PPM1L: variants seen among roughly 807,000 people sequenced by gnomAD.
PPM1L encodes protein phosphatase 1L.
Under a neutral mutation model 31.4 loss-of-function variants are expected in PPM1L, and 13 were observed. That is an observed-to-expected ratio of 0.41 (90% CI 0.27 to 0.66). PPM1L has a LOEUF of 0.66. PPM1L is among the 30% of genes least tolerant of loss of function. PPM1L has a pLI of 0.29. For synonymous variants in PPM1L, 184 were observed against 175.4 expected (o/e 1.05, Z -0.39); for missense variants, 326 against 453.7 (o/e 0.72, Z 2.56).
rs571937270 is a variant in PPM1L, at chr3:161,010,084, A to G, written c.574+48174A>G. ...TTTGTTACACATGTATACATGCACC[A>G]TGTGGGTGTGCTGCACCCATTAACT... On this transcript the variant is annotated intron_variant, in intron 2 of 3. Coordinates refer to ENST00000498165, the MANE Select transcript of PPM1L (RefSeq NM_139245.4). Among the ~76,000 whole-genome samples the G allele has an allele frequency of 3.3e-5, 5 of 152,300 alleles. No homozygotes were observed. In the East Asian group the frequency reaches 7.7e-4, roughly 24 times the overall value.
chr3:161,047,440 TACAA>T (rs1232431241), intron 2 of PPM1L, among the ~76,000 whole-genome samples: 9 of 152,076 alleles, frequency 5.9e-5, no homozygotes, highest in Admixed American at 4.6e-4. Context: ...TAAAAGAGGT[TACAA>T]ACAAATGGAA....
chr3:160,857,857 A>C (rs987272835), intron 1 of PPM1L, among the ~76,000 whole-genome samples: 11 of 152,030 alleles, frequency 7.2e-5, no homozygotes, highest in Admixed American at 7.2e-4. Flanking sequence ...TTGTCTCTCA[A>C]TCTCTTTTTC....
chr3:160,842,296 A>G (rs566300180), intron 1 of PPM1L: 4 of 702,350 alleles, frequency 5.7e-6, no homozygotes, highest in South Asian at 3.0e-5. Context: ...TTCAACAGTG[A>G]GTAGATCTGT....
At chr3:160,791,073 C>G (rs1712090383) in intron 1 of PPM1L, among the ~76,000 whole-genome samples, 1 of 152,200 alleles carries the variant, frequency 6.6e-6, no homozygotes, top group East Asian at 1.9e-4. Context: ...TATTTTCATT[C>G]ATTGTGCCAA....
At chr3:160,939,939 C>T (rs1715104903) in intron 1 of PPM1L, among the ~76,000 whole-genome samples, 1 of 152,086 alleles carries the variant, frequency 6.6e-6, no homozygotes, top group South Asian at 2.1e-4. Context: ...CTGGAACCTC[C>T]TAGAGACTTG....
rs544885267 is a variant in PPM1L, at chr3:160,975,751, A to T, written c.574+13841A>T. 3.2e-3 allele frequency among the ~76,000 whole-genome samples: 488 copies of T among 152,260 alleles called. 1 individual carries two copies. The highest frequency in any genetic ancestry group is 0.011 in the African/African-American group (466 of 41,532). ...ATCCTGAGACTTTGCTAAAGTTGCTAATCAGCTTAAGGAGATTTTGGGCTG... is the reference window on the plus strand; with the variant it reads ...ATCCTGAGACTTTGCTAAAGTTGCTTATCAGCTTAAGGAGATTTTGGGCTG... On this transcript the variant is annotated intron_variant, in intron 2 of 3. Transcript: ENST00000498165.
At chr3:160,898,691 G>A (rs941890535) in intron 1 of PPM1L, among the ~76,000 whole-genome samples, 2 of 152,172 alleles carry the variant, frequency 1.3e-5, no homozygotes, top group African/African-American at 4.8e-5. Flanking sequence ...TGACGATAAA[G>A]TTCTAATTCA....
intron 1 of PPM1L, among the ~76,000 whole-genome samples, chr3:160,856,051 G>C (rs1410140107): frequency 1.3e-5 from 2 of 152,044 alleles, no homozygotes; most frequent in Non-Finnish European, 2.9e-5. Flanking sequence ...GTGAGGGCAG[G>C]AAGCATCCAG....
chr3:160,808,092 A>C (rs1357628108), intron 1 of PPM1L, among the ~76,000 whole-genome samples: 1 of 152,138 alleles, frequency 6.6e-6, no homozygotes, highest in Non-Finnish European at 1.5e-5. Flanking sequence ...GAAACAATTG[A>C]TCTTTTTCAC....
At position 160,945,640 on chromosome 3, in the gene PPM1L, T is replaced by C. The variant is rs79820897; in HGVS notation, c.400-16096T>C. ...CATTGGGTGCCAAGAAACTCAGAGT[T>C]ACTTTTTAATCATCTGTAACAAATA... On this transcript the variant is annotated intron_variant, in intron 1 of 3. Transcript: ENST00000498165. Among the ~76,000 whole-genome samples the C allele has an allele frequency of 4.3e-3, 650 of 152,254 alleles. 3 individuals are homozygous for C. Among genetic ancestry groups the C allele is most frequent in the African/African-American group, 0.015 (624 of 41,550 alleles).
At chr3:160,940,222 T>C (rs1715116686) in intron 1 of PPM1L, among the ~76,000 whole-genome samples, 1 of 152,174 alleles carries the variant, frequency 6.6e-6, no homozygotes, top group Admixed American at 6.5e-5. Context: ...CATTCAGTTT[T>C]ATAAGGGAAG....
intron 1 of PPM1L, among the ~76,000 whole-genome samples, chr3:160,879,588 A>G (rs1245595276): frequency 1.3e-5 from 2 of 152,208 alleles, no homozygotes; most frequent in Non-Finnish European, 2.9e-5. Context: ...ATTAGTGAGA[A>G]TATATACACA....
intron 1 of PPM1L, among the ~76,000 whole-genome samples, chr3:160,875,477 CTTCT>C (rs1378804549): frequency 6.6e-6 from 1 of 152,124 alleles, no homozygotes; most frequent in African/African-American, 2.4e-5. Flanking sequence ...AAGTTCATTC[CTTCT>C]ATTAGGATCC....
intron 1 of PPM1L, among the ~76,000 whole-genome samples, chr3:160,787,441 A>T (rs1170875652): frequency 6.6e-6 from 1 of 151,726 alleles, no homozygotes; most frequent in African/African-American, 2.4e-5. Context: ...CCATTTTTTG[A>T]TGGGGTTGTT....
At chr3:160,960,343 T>C (rs1383464488) in intron 1 of PPM1L, among the ~76,000 whole-genome samples, 1 of 152,172 alleles carries the variant, frequency 6.6e-6, no homozygotes, top group East Asian at 1.9e-4. Context: ...ACCTCATTCA[T>C]TTATAATTTA....
At chr3:160,814,228 G>T (rs1026365677) in intron 1 of PPM1L, among the ~76,000 whole-genome samples, 1 of 152,094 alleles carries the variant, frequency 6.6e-6, no homozygotes, top group Non-Finnish European at 1.5e-5. Flanking sequence ...TATCTGGACA[G>T]CTGGGTCCTG....
At chr3:160,905,578 A>G (rs1051435445) in intron 1 of PPM1L, among the ~76,000 whole-genome samples, 20 of 152,198 alleles carry the variant, frequency 1.3e-4, no homozygotes, top group African/African-American at 4.8e-4. Flanking sequence ...CATAATCATA[A>G]TATACTGATA....
intron 1 of PPM1L, among the ~76,000 whole-genome samples, chr3:160,940,079 A>C (rs1313151621): frequency 6.6e-6 from 1 of 152,218 alleles, no homozygotes; most frequent in Non-Finnish European, 1.5e-5. Flanking sequence ...TTTAGCAAAG[A>C]GACTGGTGGC....
At chr3:160,912,202 G>A (rs1714000362) in intron 1 of PPM1L, among the ~76,000 whole-genome samples, 1 of 152,168 alleles carries the variant, frequency 6.6e-6, no homozygotes, top group African/African-American at 2.4e-5. Flanking sequence ...CCTGGGCCCA[G>A]TGAAAACCTT....
Sources: gnomAD v4.1 joint callset for allele counts (sites outside exome capture counted in the v4.1 genomes callset) on GRCh38, gnomAD v4.1.1 for gene constraint, MANE v1.5 for transcripts, NCBI Gene and HGNC (gene_info 2026-07-23, HGNC 2026-07-21) for gene names.